Variants in OLA1 observed in about 807,000 individuals in gnomAD.
OLA1 encodes Obg like ATPase 1.
A neutral mutation model predicts 48.4 loss-of-function variants in OLA1; 14 were observed. The ratio of observed to expected loss-of-function variants is 0.29; its 90% CI spans 0.19 to 0.45. The LOEUF is 0.45. Among genes scored for constraint, OLA1 ranks in the 20% least tolerant of loss-of-function variants. The probability of loss-of-function intolerance (pLI) is 1.00; values close to 1 mark genes in which losing one functional copy is unlikely to be tolerated. For missense variants in OLA1, 325 were observed against 467.1 expected (o/e 0.70, Z 2.80); for synonymous variants, 127 against 150.4 (o/e 0.84, Z 1.14).
intron 4 of OLA1, among the ~76,000 whole-genome samples, chr2:174,215,642 T>C (rs557744661): frequency 3.9e-5 from 6 of 152,340 alleles, no homozygotes; most frequent in South Asian, 4.1e-4. Flanking sequence ...CTGTAAAATA[T>C]ATACAACTCT....
At position 174,079,007 on chromosome 2, in the gene OLA1, G is replaced by A. The variant is rs769087977; in HGVS notation, c.1050C>T (p.Tyr350=). The A allele has an allele frequency of 1.4e-5, 23 of 1,602,030 alleles. No homozygotes were observed. The highest frequency in any genetic ancestry group is 2.3e-5 in the East Asian group (1 of 44,252). ...KGFIMAEVMK[Y]EDFKEEGSEN... ...CAGAACCTTCCTCTTTAAAATCTTC[G>A]TATTTCATTACTTCAGCCATAATGA... The change falls in exon 10 of 11, where the codon TAC becomes TAT. Residue 350 remains tyrosine (Y), a synonymous_variant. Coordinates refer to ENST00000284719, the MANE Select transcript of OLA1 (RefSeq NM_013341.5).
chr2:174,098,287 A>G (rs1323126419), intron 7 of OLA1, among the ~76,000 whole-genome samples: 3 of 152,226 alleles, frequency 2.0e-5, no homozygotes, highest in Non-Finnish European at 2.9e-5. Flanking sequence ...CAAAACTTTC[A>G]GCTGCTTCTG....
intron 7 of OLA1, among the ~76,000 whole-genome samples, chr2:174,118,035 A>G (rs182908747): frequency 6.6e-6 from 1 of 152,292 alleles, no homozygotes; most frequent in East Asian, 1.9e-4. Context: ...ACTTCCAATC[A>G]TGGCAAAGGT....
At chr2:174,140,759 G>A (rs1160045327) in intron 5 of OLA1, among the ~76,000 whole-genome samples, 2 of 152,054 alleles carry the variant, frequency 1.3e-5, no homozygotes, top group African/African-American at 2.4e-5. Context: ...AAGACATCAG[G>A]CACCAAGGAG....
chr2:174,169,888 A>T (rs1687255467), intron 4 of OLA1, among the ~76,000 whole-genome samples: 1 of 152,212 alleles, frequency 6.6e-6, no homozygotes, highest in Admixed American at 6.5e-5. Flanking sequence ...ATTTTAGGTA[A>T]GGTAAATTTT....
intron 4 of OLA1, among the ~76,000 whole-genome samples, chr2:174,153,571 C>CCTCACAGTTA (rs57128112): frequency 6.6e-6 from 1 of 151,700 alleles, no homozygotes; most frequent in Non-Finnish European, 1.5e-5. Context: ...GAAAATTCTG[C>CCTCACAGTTA]CTGGTATTTT....
chr2:174,241,861 C>A (rs1450174578), intron 2 of OLA1, among the ~76,000 whole-genome samples: 1 of 152,214 alleles, frequency 6.6e-6, no homozygotes, highest in African/African-American at 2.4e-5. Flanking sequence ...TTCTCAAACT[C>A]CTGACCTCAA....
At chr2:174,086,053 G>A (rs1294591426) in intron 7 of OLA1, among the ~76,000 whole-genome samples, 1 of 149,338 alleles carries the variant, frequency 6.7e-6, no homozygotes, top group African/African-American at 2.5e-5. Flanking sequence ...CCAGGATTGA[G>A]ATGTATCTAT....
At chr2:174,094,379 A>G (rs1685196768) in intron 7 of OLA1, among the ~76,000 whole-genome samples, 1 of 152,240 alleles carries the variant, frequency 6.6e-6, no homozygotes, top group South Asian at 2.1e-4. Context: ...TACAGATTCA[A>G]TGCAATTCTT....
At chr2:174,218,186 T>C (rs1404126225) in intron 4 of OLA1, among the ~76,000 whole-genome samples, 1 of 152,192 alleles carries the variant, frequency 6.6e-6, no homozygotes, top group African/African-American at 2.4e-5. Context: ...TGAATTTTTT[T>C]TTTCAGCTCC....
intron 4 of OLA1, among the ~76,000 whole-genome samples, chr2:174,191,433 T>C (rs1469722693): frequency 2.6e-5 from 4 of 151,966 alleles, no homozygotes; most frequent in African/African-American, 9.7e-5. Context: ...TCCCCTAAAA[T>C]GAAAATTCTT....
At chr2:174,214,545 A>G (rs1019340520) in intron 4 of OLA1, among the ~76,000 whole-genome samples, 1 of 152,160 alleles carries the variant, frequency 6.6e-6, no homozygotes, top group East Asian at 1.9e-4. Context: ...TCCTTGAAGT[A>G]AAGTGTGTGG....
At chr2:174,139,110 C>G (rs1004058017) in intron 5 of OLA1, among the ~76,000 whole-genome samples, 1 of 152,108 alleles carries the variant, frequency 6.6e-6, no homozygotes, top group African/African-American at 2.4e-5. Flanking sequence ...AGATTGAATC[C>G]CATCCCTGAT....
At chr2:174,136,397 CA>C (rs1686309710) in intron 5 of OLA1, among the ~76,000 whole-genome samples, 1 of 152,208 alleles carries the variant, frequency 6.6e-6, no homozygotes. Context: ...GCATCTTCAC[CA>C]GCAGTAGATT....
chr2:174,194,079 C>T (rs1687833100), intron 4 of OLA1, among the ~76,000 whole-genome samples: 1 of 152,208 alleles, frequency 6.6e-6, no homozygotes. Context: ...GTGCTTACTA[C>T]CTCCTTTCCA....
At chr2:174,224,800 T>C (rs1015697497) in intron 3 of OLA1, among the ~76,000 whole-genome samples, 2 of 152,028 alleles carry the variant, frequency 1.3e-5, no homozygotes, top group African/African-American at 4.8e-5. Context: ...TATGGTCAAG[T>C]TGATAAAGTA....
At chr2:174,222,853 C>T (rs1181607400) in intron 4 of OLA1, among the ~76,000 whole-genome samples, 180 bp downstream of exon 4, 1 of 152,114 alleles carries the variant, frequency 6.6e-6, no homozygotes, top group African/African-American at 2.4e-5. Flanking sequence ...ATGGAATAAG[C>T]CTTCAGATAC....
At chr2:174,205,853 G>A (rs1255107124) in intron 4 of OLA1, among the ~76,000 whole-genome samples, 1 of 152,156 alleles carries the variant, frequency 6.6e-6, no homozygotes, top group Admixed American at 6.5e-5. Context: ...CCAATGTAGA[G>A]ACAGAAAACT....
At chr2:174,108,618 A>C (rs1380315051) in intron 7 of OLA1, among the ~76,000 whole-genome samples, 1 of 152,180 alleles carries the variant, frequency 6.6e-6, no homozygotes, top group Non-Finnish European at 1.5e-5. Flanking sequence ...GGAGCCAGGA[A>C]ACTGGAGCAG....
Sources: gnomAD v4.1 joint callset for allele counts (sites outside exome capture counted in the v4.1 genomes callset) on GRCh38, gnomAD v4.1.1 for gene constraint, MANE v1.5 for transcripts, NCBI Gene and HGNC (gene_info 2026-07-23, HGNC 2026-07-21) for gene names.